Variants in TSNAX observed in about 807,000 individuals in gnomAD.
The protein encoded by TSNAX is translin-associated protein X.
In TSNAX, 12 loss-of-function variants were observed where a neutral mutation model predicts 33.0. The ratio of observed to expected loss-of-function variants is 0.36; its 90% CI spans 0.23 to 0.59. The LOEUF (loss-of-function observed/expected upper bound fraction) is 0.59, where lower values mean the gene tolerates loss of function less well. TSNAX is among the 20% of genes least tolerant of loss of function. The pLI is 0.74. For synonymous variants in TSNAX, 110 were observed against 117.2 expected, an observed-to-expected ratio of 0.94 and a Z score of 0.40; for missense variants, 267 against 341.3, an observed-to-expected ratio of 0.78 and a Z score of 1.72.
intron 4 of TSNAX, among the ~76,000 whole-genome samples, chr1:231,552,998 G>A (rs1018698814): frequency 1.3e-5 from 2 of 152,224 alleles, no homozygotes; most frequent in African/African-American, 4.8e-5. Context: ...ATCAGTTGGT[G>A]GACTTTTGGG....
At chr1:231,539,060 A>G (rs1003148270) in intron 3 of TSNAX, among the ~76,000 whole-genome samples, 2 of 152,208 alleles carry the variant, frequency 1.3e-5, no homozygotes, top group African/African-American at 4.8e-5. Flanking sequence ...TTATTGAAAT[A>G]TGGCACTGTT....
At chr1:231,544,403 C>G (rs957288776) in intron 4 of TSNAX, among the ~76,000 whole-genome samples, 1 of 152,156 alleles carries the variant, frequency 6.6e-6, no homozygotes, top group African/African-American at 2.4e-5. Flanking sequence ...GTAATAAAAG[C>G]TGATCACAGT....
intron 5 of TSNAX, among the ~76,000 whole-genome samples, chr1:231,561,525 A>G (rs116648280): frequency 6.6e-6 from 1 of 151,996 alleles, no homozygotes; most frequent in Non-Finnish European, 1.5e-5. Context: ...TTTACTCTCT[A>G]TTTTTCACTT....
chr1:231,562,436 G>T (rs1268318904), intron 5 of TSNAX, among the ~76,000 whole-genome samples: 4 of 151,902 alleles, frequency 2.6e-5, no homozygotes. Flanking sequence ...AGTGTATTAA[G>T]GAGGAAATTT....
intron 4 of TSNAX, among the ~76,000 whole-genome samples, chr1:231,556,814 G>A (rs1473573990): frequency 6.6e-6 from 1 of 152,126 alleles, no homozygotes; most frequent in African/African-American, 2.4e-5. Context: ...TACCCATCTT[G>A]GAAATGCAAG....
At chr1:231,558,489 T>C (rs1233887537) in intron 4 of TSNAX, among the ~76,000 whole-genome samples, 1 of 152,196 alleles carries the variant, frequency 6.6e-6, no homozygotes, top group East Asian at 1.9e-4. Flanking sequence ...AATTGACAAG[T>C]GATACAGCTA....
intron 4 of TSNAX, among the ~76,000 whole-genome samples, chr1:231,560,084 A>G (rs981392799): frequency 6.6e-6 from 1 of 150,598 alleles, no homozygotes; most frequent in African/African-American, 2.4e-5. Flanking sequence ...GGTTCACGCC[A>G]TTCTCCTGCC....
chr1:231,546,082 A>G (rs371279298), intron 4 of TSNAX, among the ~76,000 whole-genome samples: 51 of 152,242 alleles, frequency 3.3e-4, no homozygotes, highest in African/African-American at 1.1e-3. Context: ...CTCAACTTCT[A>G]ATGTGTAATC....
chr1:231,557,452 A>G (rs561587285), intron 4 of TSNAX, among the ~76,000 whole-genome samples: 1 of 152,332 alleles, frequency 6.6e-6, no homozygotes, highest in South Asian at 2.1e-4. Context: ...TGGTAATCTT[A>G]GCAAGAACTA....
At chr1:231,562,293 C>G (rs973357915) in intron 5 of TSNAX, among the ~76,000 whole-genome samples, 7 of 150,444 alleles carry the variant, frequency 4.7e-5, no homozygotes, top group Admixed American at 4.0e-4. Context: ...GATAGGTAGG[C>G]AGGAGATGGA....
In TSNAX at chr1:231,560,418, C is replaced by CG. The variant is rs1491555734; in HGVS notation, c.368-710_368-709insG. 2.7e-5 allele frequency among the ~76,000 whole-genome samples: 2 copies of CG among 73,122 alleles called. 1 individual carries two copies. Among genetic ancestry groups the CG allele is most frequent in the East Asian group, 7.8e-4 (2 of 2,580 alleles). 48.0% of individuals were successfully genotyped at this position (73,122 alleles called of 152,430 possible). ...GGCTTTTCTTTTCTCCCCCCCCCCC[C>CG]TTTTTTTTTTTTTGAGACGAAGTCT... is the stretch of plus-strand genomic sequence containing the variant. On this transcript the variant is annotated intron_variant, in intron 4 of 5. Transcript: ENST00000366639.
Position 231,564,962 on chromosome 1 carries a change from A to G in TSNAX, c.*57A>G. 1 of 1,545,872 alleles carries G rather than the reference A, an allele frequency of 6.5e-7. No individual in the cohort carries two copies. The highest frequency in any genetic ancestry group is 8.7e-7 in the Non-Finnish European group (1 of 1,147,048). ...GAGAACTCCTAAGAGACCAATTTGT[A>G]AGACTTATTTAGTATTTCATTTAAC... is the stretch of plus-strand genomic sequence containing the variant. On this transcript the variant is annotated 3_prime_UTR_variant, in exon 6 of 6. Coordinates refer to ENST00000366639, the MANE Select transcript of TSNAX (RefSeq NM_005999.3).
intron 4 of TSNAX, among the ~76,000 whole-genome samples, chr1:231,560,927 T>A (rs935127901): frequency 2.0e-5 from 3 of 152,208 alleles, no homozygotes; most frequent in African/African-American, 7.2e-5. Context: ...TTTAAAGTGC[T>A]GGGATTACAG....
At chr1:231,530,330 C>T (rs1424534412) in intron 2 of TSNAX, among the ~76,000 whole-genome samples, 1 of 152,228 alleles carries the variant, frequency 6.6e-6, no homozygotes, top group East Asian at 1.9e-4. Flanking sequence ...AAAACCACCA[C>T]AGTATCTACT....
In TSNAX at chr1:231,542,670, CAT is replaced by C. The variant is rs1216824861; in HGVS notation, c.367+60_367+61del. On this transcript the variant is annotated intron_variant, in intron 4 of 5. Transcript: ENST00000366639. ...TTTAAATGGTGTGCTACATGATTAA[CAT>C]GTGAGTTGCATGAATTTTAAGTGAC... 5.9e-5 allele frequency: 90 copies of C among 1,532,026 alleles called. No individual in the cohort carries two copies. In the East Asian group the frequency reaches 2.0e-3, roughly 34 times the overall value. The allele number at this position is 1,532,026 out of a possible 1,614,324, so 94.9% of individuals were successfully genotyped here.
rs550698529 is a variant in TSNAX, at chr1:231,528,870, A to T, written c.16+44A>T. On this transcript the variant is annotated intron_variant, in intron 1 of 5. Transcript: ENST00000366639. Reference sequence around the variant, plus strand: ...CGGGGCGTTATTTATCCGGAGGGGGAGGTTCTCCAGTCTTTCTATGCAGTT... The same window carrying T: ...CGGGGCGTTATTTATCCGGAGGGGGTGGTTCTCCAGTCTTTCTATGCAGTT... 148 of 1,611,086 alleles carry T rather than the reference A, an allele frequency of 9.2e-5. No homozygotes were observed. In the South Asian group the frequency reaches 1.6e-3, roughly 17 times the overall value.
intron 4 of TSNAX, among the ~76,000 whole-genome samples, chr1:231,560,411 C>CCG (rs1661010742): frequency 3.3e-5 from 3 of 91,880 alleles, no homozygotes; most frequent in Non-Finnish European, 6.6e-5. Flanking sequence ...TTTTCTCCCC[C>CCG]CCCCCCCTTT....
At chr1:231,532,575 A>G (rs80236692) in intron 2 of TSNAX, among the ~76,000 whole-genome samples, 1 of 152,052 alleles carries the variant, frequency 6.6e-6, no homozygotes, top group Non-Finnish European at 1.5e-5. Context: ...AATAAACTTG[A>G]AAAAAAAGGT....
At chr1:231,541,550 A>G (rs1485962452) in intron 3 of TSNAX, among the ~76,000 whole-genome samples, 2 of 152,068 alleles carry the variant, frequency 1.3e-5, no homozygotes, top group East Asian at 3.9e-4. Flanking sequence ...TTTCCACAAT[A>G]TGTTATGATT....
Sources: allele counts gnomAD v4.1 joint callset (sites outside exome capture counted in the v4.1 genomes callset), GRCh38; gene constraint gnomAD v4.1.1; transcripts MANE v1.5; gene names NCBI Gene and HGNC (gene_info 2026-07-23, HGNC 2026-07-21).